The following WDFY4 variants were observed in gnomAD, a reference collection of about 807,000 sequenced individuals.
WDFY4 encodes WD repeat- and FYVE domain-containing protein 4.
A neutral mutation model predicts 351.9 loss-of-function variants in WDFY4; 169 were observed. That is an observed-to-expected ratio of 0.48 (90% confidence interval 0.42 to 0.55). WDFY4 has a LOEUF of 0.55. WDFY4 is among the 20% of genes least tolerant of loss of function. WDFY4 has a pLI of 0.00. For synonymous variants in WDFY4, 1,622 were observed against 1,574.6 expected (o/e 1.03, Z -0.71); for missense variants, 3,803 against 3,935.6 (o/e 0.97, Z 0.90).
chr10:48,832,758 A>G (rs774915668), intron 39 of WDFY4, 49 bp downstream of exon 39: 16 of 1,477,690 alleles, frequency 1.1e-5, no homozygotes, highest in Middle Eastern at 1.8e-4. Flanking sequence ...ATTTGCTTCA[A>G]ACCCCATGAG....
intron 12 of WDFY4, among the ~76,000 whole-genome samples, chr10:48,752,308 C>G (rs1188939037): frequency 2.6e-5 from 4 of 152,244 alleles, no homozygotes; most frequent in Admixed American, 1.3e-4. Flanking sequence ...AAAAGGTCCT[C>G]TTATTATGTG....
chr10:48,786,437 G>C (rs551752828), intron 19 of WDFY4, among the ~76,000 whole-genome samples: 1 of 152,102 alleles, frequency 6.6e-6, no homozygotes, highest in African/African-American at 2.4e-5. Flanking sequence ...TTTTCAAAAG[G>C]ACAGTATCAG....
chr10:48,856,447 G>A (rs753974926), intron 39 of WDFY4, among the ~76,000 whole-genome samples: 14 of 152,074 alleles, frequency 9.2e-5, no homozygotes, highest in Non-Finnish European at 1.5e-4. Flanking sequence ...ATGTCTATGT[G>A]AGGCTCAGTT....
chr10:48,930,968 G>A (rs1303090559), intron 47 of WDFY4, among the ~76,000 whole-genome samples: 1 of 152,028 alleles, frequency 6.6e-6, no homozygotes, highest in African/African-American at 2.4e-5. Flanking sequence ...TGAAGGGACG[G>A]TACTGGACTC....
chr10:48,782,709 T>C (rs186484151), intron 19 of WDFY4, among the ~76,000 whole-genome samples: 50 of 152,362 alleles, frequency 3.3e-4, no homozygotes, highest in Non-Finnish European at 6.9e-4. Context: ...TCAGCTTAAT[T>C]TGACTAGTTT....
At chr10:48,952,231 T>C (rs982028526) in intron 51 of WDFY4, among the ~76,000 whole-genome samples, 1 of 152,184 alleles carries the variant, frequency 6.6e-6, no homozygotes, top group African/African-American at 2.4e-5. Context: ...CTTCACTTGC[T>C]GCCTGCAGCT....
chr10:48,873,900 A>G (rs72797189), intron 41 of WDFY4, among the ~76,000 whole-genome samples: 6,671 of 152,298 alleles, frequency 0.044, 205 homozygotes, highest in Non-Finnish European at 0.061. Flanking sequence ...TAGCAGGGAC[A>G]CTGTAACTAC....
At chr10:48,961,873 T>C (rs1474491224) in intron 53 of WDFY4, among the ~76,000 whole-genome samples, 3 of 151,944 alleles carry the variant, frequency 2.0e-5, no homozygotes, top group Non-Finnish European at 4.4e-5. Flanking sequence ...ACTCTGGAGG[T>C]GGCGATAAGG....
intron 1 of WDFY4, among the ~76,000 whole-genome samples, chr10:48,707,459 C>T (rs2063661002): frequency 6.6e-6 from 1 of 152,168 alleles, no homozygotes; most frequent in Admixed American, 6.5e-5. Context: ...GTGAAGGGAC[C>T]CACGCAGCAA....
At chr10:48,914,104 CCA>C in intron 47 of WDFY4, 1 of 1,614,176 alleles carries the variant, frequency 6.2e-7, no homozygotes, top group Non-Finnish European at 8.5e-7. Flanking sequence ...CAATTCCTGG[CCA>C]CCTTGAGGGT....
At chr10:48,955,172 A>G (rs1166749572) in intron 51 of WDFY4, among the ~76,000 whole-genome samples, 1 of 152,210 alleles carries the variant, frequency 6.6e-6, no homozygotes, top group Non-Finnish European at 1.5e-5. Flanking sequence ...CGTTAGGTGA[A>G]TATTTATTTC....
intron 27 of WDFY4, among the ~76,000 whole-genome samples, chr10:48,806,650 G>A (rs1003314914): frequency 4.6e-5 from 7 of 152,102 alleles, no homozygotes; most frequent in African/African-American, 9.7e-5. Flanking sequence ...CTCCCTTTTC[G>A]CCTAGCCAGG....
rs7072606 is a variant in WDFY4 at position 48,725,929 on chromosome 10, T to G, written c.640T>G (p.Ser214Ala). The change falls in exon 6 of 62, where the codon TCA (serine) becomes GCA (alanine). Residue 214 changes from serine (S) to alanine (A), a missense_variant. Coordinates refer to ENST00000325239, the MANE Select transcript of WDFY4 (RefSeq NM_001394531.1). ...CTCTCAGGGCCTGGAGGGACTCCTC[T>G]CAGGAAGTGAGCTGCAGTCTCTGCT... ...SDSQGLEGLL[S>A]GSELQSLLIA... 1 of 1,551,298 alleles carries G rather than the reference T, an allele frequency of 6.4e-7. No individual in the cohort carries two copies. Among genetic ancestry groups the G allele is most frequent in the Non-Finnish European group, 8.7e-7 (1 of 1,146,778 alleles).
chr10:48,790,376 G>T (rs2066637913), intron 22 of WDFY4, among the ~76,000 whole-genome samples: 1 of 152,236 alleles, frequency 6.6e-6, no homozygotes, highest in Non-Finnish European at 1.5e-5. Flanking sequence ...TGCCCAGCAG[G>T]ATCTAGAGGA....
chr10:48,729,256 G>C (rs1434584151), intron 7 of WDFY4, among the ~76,000 whole-genome samples, 176 bp from the exon 8 acceptor site: 1 of 152,356 alleles, frequency 6.6e-6, no homozygotes, highest in East Asian at 1.9e-4. Context: ...ACTGACATCT[G>C]CAGAGTGGTG....
At chr10:48,874,850 C>T (rs1049529519) in intron 41 of WDFY4, among the ~76,000 whole-genome samples, 1 of 152,118 alleles carries the variant, frequency 6.6e-6, no homozygotes, top group Non-Finnish European at 1.5e-5. Context: ...TGGTAATTAC[C>T]GTAAGTCCTA....
Position 48,716,879 on chromosome 10 carries a change from C to T in WDFY4, c.235-3132C>T, listed in dbSNP as rs538183034. On this transcript the variant is annotated intron_variant, in intron 2 of 61. Coordinates refer to ENST00000325239, the MANE Select transcript of WDFY4 (RefSeq NM_001394531.1). ...TCATTTCTAGGGAGGGAAATCATCTCGCCACAGAAATTCCAAGGCAAAAGG... is the reference window on the plus strand; with the variant it reads ...TCATTTCTAGGGAGGGAAATCATCTTGCCACAGAAATTCCAAGGCAAAAGG... Among the ~76,000 whole-genome samples the T allele has an allele frequency of 1.1e-4, 17 of 152,294 alleles. No individual in the cohort carries two copies. The South Asian group carries it at 1.5e-3, about 13-fold the overall frequency.
intron 39 of WDFY4, among the ~76,000 whole-genome samples, chr10:48,854,622 T>C (rs2069074482): frequency 6.6e-6 from 1 of 152,240 alleles, no homozygotes; most frequent in Non-Finnish European, 1.5e-5. Flanking sequence ...TGATCTCTCC[T>C]GTAATGTGAC....
chr10:48,710,088 G>A, intron 2 of WDFY4, 122 bp downstream of exon 2: 2 of 937,306 alleles, frequency 2.1e-6, no homozygotes, highest in South Asian at 3.6e-5. Context: ...GGTTGCTCAG[G>A]GGAGTGTTGT....
Sources: gnomAD v4.1 joint callset for allele counts (sites outside exome capture counted in the v4.1 genomes callset) on GRCh38, gnomAD v4.1.1 for gene constraint, MANE v1.5 for transcripts, NCBI Gene and HGNC (gene_info 2026-07-23, HGNC 2026-07-21) for gene names.